The following RAD51B variants were observed in gnomAD, a reference collection of about 807,000 sequenced individuals.
The protein encoded by RAD51B is RAD51 paralog B.
In RAD51B, 38 loss-of-function variants were observed where a neutral mutation model predicts 42.2. That is an observed-to-expected ratio of 0.90 (90% confidence interval 0.70 to 1.18). The LOEUF (loss-of-function observed/expected upper bound fraction) is 1.18. RAD51B is among the 50% of genes most tolerant of loss of function. The pLI is 0.00. For missense variants in RAD51B, 373 were observed against 400.7 expected, an observed-to-expected ratio of 0.93 and a Z score of 0.59; for synonymous variants, 154 against 145.2, an observed-to-expected ratio of 1.06 and a Z score of -0.43.
At chr14:67,877,500 A>G (rs773887367) in intron 5 of RAD51B, among the ~76,000 whole-genome samples, 8 of 151,992 alleles carry the variant, frequency 5.3e-5, no homozygotes, top group Non-Finnish European at 1.0e-4. Flanking sequence ...CTGTCTATGA[A>G]TCTATCTTTA....
intron 5 of RAD51B, among the ~76,000 whole-genome samples, chr14:67,872,485 A>C (rs1752677312): frequency 6.7e-6 from 1 of 148,218 alleles, no homozygotes; most frequent in Non-Finnish European, 1.5e-5. Flanking sequence ...GGTAGGAAGA[A>C]TCAATATCGT....
chr14:68,058,006 G>T (rs557318423), intron 7 of RAD51B, among the ~76,000 whole-genome samples: 5 of 152,110 alleles, frequency 3.3e-5, no homozygotes, highest in African/African-American at 9.6e-5. Flanking sequence ...ATAGAGGAAA[G>T]AATTTGTCTT....
intron 7 of RAD51B, among the ~76,000 whole-genome samples, chr14:68,199,487 C>T (rs1185530241): frequency 6.6e-6 from 1 of 152,192 alleles, no homozygotes; most frequent in Non-Finnish European, 1.5e-5. Context: ...CATTCAGTCT[C>T]AGAACTTCAG....
chr14:67,909,743 A>G (rs1302751108), intron 7 of RAD51B, among the ~76,000 whole-genome samples: 1 of 152,220 alleles, frequency 6.6e-6, no homozygotes, highest in Non-Finnish European at 1.5e-5. Context: ...GCGTAGCACG[A>G]ACATGGCTCA....
At chr14:67,952,401 G>A (rs2074469987) in intron 7 of RAD51B, among the ~76,000 whole-genome samples, 1 of 152,096 alleles carries the variant, frequency 6.6e-6, no homozygotes, top group Non-Finnish European at 1.5e-5. Flanking sequence ...CAGATATATG[G>A]GAAGAAGTGA....
intron 7 of RAD51B, among the ~76,000 whole-genome samples, chr14:68,030,542 A>C (rs2076025292): frequency 6.6e-6 from 1 of 152,164 alleles, no homozygotes; most frequent in Non-Finnish European, 1.5e-5. Flanking sequence ...GCCTTCATAG[A>C]ATTGAAGACA....
At chr14:68,095,501 T>C (rs2077176676) in intron 7 of RAD51B, among the ~76,000 whole-genome samples, 1 of 152,172 alleles carries the variant, frequency 6.6e-6, no homozygotes, top group African/African-American at 2.4e-5. Flanking sequence ...GATATGGATT[T>C]TGTACTTCCC....
At chr14:68,367,947 T>C (rs992482336) in intron 8 of RAD51B, among the ~76,000 whole-genome samples, 2 of 152,222 alleles carry the variant, frequency 1.3e-5, no homozygotes, top group African/African-American at 4.8e-5. Flanking sequence ...GACAATCACA[T>C]AGAAAAGAGA....
intron 7 of RAD51B, among the ~76,000 whole-genome samples, chr14:67,989,671 A>G (rs527383307): frequency 1.3e-5 from 2 of 151,054 alleles, no homozygotes; most frequent in Non-Finnish European, 2.9e-5. Flanking sequence ...AGAAAGAAAA[A>G]AGAAAAACTT....
At chr14:68,473,713 T>A (rs1882296639) in intron 10 of RAD51B, among the ~76,000 whole-genome samples, 1 of 151,244 alleles carries the variant, frequency 6.6e-6, no homozygotes, top group Non-Finnish European at 1.5e-5. Context: ...TGTTTCAGAT[T>A]TTTTTTTTAT....
At chr14:68,430,252 A>C (rs1466334068) in intron 9 of RAD51B, among the ~76,000 whole-genome samples, 1 of 152,184 alleles carries the variant, frequency 6.6e-6, no homozygotes, top group Non-Finnish European at 1.5e-5. Context: ...GTTCCATATG[A>C]ACTGTAAAGT....
intron 8 of RAD51B, among the ~76,000 whole-genome samples, chr14:68,397,461 G>A (rs1310207271): frequency 2.6e-5 from 4 of 152,182 alleles, no homozygotes; most frequent in South Asian, 2.1e-4. Flanking sequence ...TCCACTCCCC[G>A]GGGATTGGGA....
chr14:68,553,194 G>A (rs1482948506), intron 10 of RAD51B, among the ~76,000 whole-genome samples: 1 of 152,208 alleles, frequency 6.6e-6, no homozygotes, highest in South Asian at 2.1e-4. Flanking sequence ...AGTTTAACCA[G>A]TCCCCTTTTG....
chr14:68,584,149 C>A (rs1206294035), intron 10 of RAD51B, among the ~76,000 whole-genome samples: 1 of 152,192 alleles, frequency 6.6e-6, no homozygotes, highest in African/African-American at 2.4e-5. Context: ...GTCTCATGCT[C>A]CTGACACAGT....
chr14:68,496,961 C>T (rs933360790), intron 10 of RAD51B, among the ~76,000 whole-genome samples: 1 of 152,206 alleles, frequency 6.6e-6, no homozygotes, highest in African/African-American at 2.4e-5. Context: ...ACTACAAGTT[C>T]TCTCTCAACT....
intron 7 of RAD51B, among the ~76,000 whole-genome samples, chr14:68,056,806 C>T (rs1029819607): frequency 6.6e-6 from 1 of 151,754 alleles, no homozygotes; most frequent in African/African-American, 2.4e-5. Flanking sequence ...CGGCCAGGCG[C>T]GGTGGCTCAC....
intron 7 of RAD51B, among the ~76,000 whole-genome samples, chr14:68,004,523 T>C (rs1270420319): frequency 1.3e-5 from 2 of 152,114 alleles, no homozygotes; most frequent in East Asian, 1.9e-4. Flanking sequence ...ATCATGAAGA[T>C]ATGGTAAAAC....
intron 8 of RAD51B, among the ~76,000 whole-genome samples, chr14:68,332,123 T>C (rs182170013): frequency 6.6e-6 from 1 of 152,332 alleles, no homozygotes; most frequent in Non-Finnish European, 1.5e-5. Context: ...TCTAAGTTTA[T>C]TTCCACACTT....
chr14:68,052,609 A>ACTT (rs536666118), intron 7 of RAD51B, among the ~76,000 whole-genome samples: 15 of 144,892 alleles, frequency 1.0e-4, no homozygotes, highest in East Asian at 5.9e-4. Context: ...CACTTCCATG[A>ACTT]CTTCTTCTTC....
Sources: allele counts gnomAD v4.1 joint callset (sites outside exome capture counted in the v4.1 genomes callset), GRCh38; gene constraint gnomAD v4.1.1; transcripts MANE v1.5; gene names NCBI Gene and HGNC (gene_info 2026-07-23, HGNC 2026-07-21).